RYR2: variants seen among roughly 807,000 people sequenced by gnomAD.
RYR2 encodes the protein cardiac muscle ryanodine receptor-calcium release channel.
RYR2 carries 227 observed loss-of-function variants against 601.1 expected under a neutral mutation model. The observed-to-expected ratio is 0.38, with a 90% CI of 0.34 to 0.42. The LOEUF is 0.42. Among genes scored for constraint, RYR2 ranks in the 10% least tolerant of loss-of-function variants. RYR2 has a pLI of 1.00. For missense variants in RYR2, 4,646 were observed against 6,156.5 expected (o/e 0.75, Z 8.21); for synonymous variants, 2,223 against 2,175.1 (o/e 1.02, Z -0.61).
chr1:237,042,660 G>A, intron 1 of RYR2, 91 bp downstream of exon 1: 2 of 1,199,734 alleles, frequency 1.7e-6, no homozygotes, highest in Non-Finnish European at 2.1e-6. Flanking sequence ...CGGGCAGCGG[G>A]GACTCGCGGG....
chr1:237,573,613 C>T (rs780337708), intron 29 of RYR2, among the ~76,000 whole-genome samples: 8 of 149,972 alleles, frequency 5.3e-5, no homozygotes, highest in Non-Finnish European at 8.9e-5. Context: ...GAGATCAAGA[C>T]CATCCTGGCT....
chr1:237,546,067 T>G (rs1184609487), intron 25 of RYR2, among the ~76,000 whole-genome samples: 3 of 151,742 alleles, frequency 2.0e-5, no homozygotes, highest in Non-Finnish European at 4.4e-5. Flanking sequence ...GTGATTACAG[T>G]TTATAGATTT....
rs570700000 is a variant in RYR2, at chr1:237,613,741, G to A, written c.4911-298G>A. Among the ~76,000 whole-genome samples, 9 of 152,214 alleles carry A rather than the reference G, an allele frequency of 5.9e-5. No homozygotes were observed. In the South Asian group the frequency reaches 1.7e-3, roughly 28 times the overall value. ...CTGAAATTCGAAATGCTCCAAAATC[G>A]GAAACATTTTGAGCACCAACATAAT... On this transcript the variant is annotated intron_variant, in intron 36 of 104. Coordinates refer to ENST00000366574, the MANE Select transcript of RYR2 (RefSeq NM_001035.3).
At chr1:237,228,791 C>T (rs550829555) in intron 1 of RYR2, among the ~76,000 whole-genome samples, 1 of 152,190 alleles carries the variant, frequency 6.6e-6, no homozygotes, top group South Asian at 2.1e-4. Flanking sequence ...TAAGAACCTG[C>T]ACTGTTCAAA....
intron 1 of RYR2, among the ~76,000 whole-genome samples, chr1:237,088,893 T>C (rs944993315): frequency 1.3e-5 from 2 of 152,348 alleles, no homozygotes; most frequent in African/African-American, 4.8e-5. Flanking sequence ...TTATTTAATT[T>C]CAGTTGTTTC....
In RYR2 at chr1:237,042,207, G is replaced by C. The variant is rs565743769; in HGVS notation, c.-315G>C. The C allele has an allele frequency of 6.5e-6, 1 of 153,548 alleles. No homozygotes were observed. The highest frequency in any genetic ancestry group is 2.2e-4 in the South Asian group (1 of 4,628). The allele number at this position is 153,548 out of a possible 1,614,324, so 9.5% of individuals were successfully genotyped here. ...GCACTTGCTCGGAGGAGCCGGGGCCGAGCGGACCGCCGGCTGCAGGCAGCG... is the reference window on the plus strand; with the variant it reads ...GCACTTGCTCGGAGGAGCCGGGGCCCAGCGGACCGCCGGCTGCAGGCAGCG... On this transcript the variant is annotated 5_prime_UTR_variant, in exon 1 of 105. Transcript: ENST00000366574.
chr1:237,312,274 G>A (rs188418173), intron 2 of RYR2, among the ~76,000 whole-genome samples: 232 of 152,258 alleles, frequency 1.5e-3, no homozygotes, highest in African/African-American at 5.2e-3. Context: ...AGCTCCTTCC[G>A]TGGAATTCAT....
chr1:237,521,866 G>C (rs1252409502), intron 24 of RYR2, among the ~76,000 whole-genome samples: 1 of 152,044 alleles, frequency 6.6e-6, no homozygotes, highest in East Asian at 1.9e-4. Flanking sequence ...TATAAGTGAG[G>C]CTGCCCTTGT....
intron 38 of RYR2, among the ~76,000 whole-genome samples, chr1:237,620,056 A>C (rs915696914): frequency 3.9e-5 from 6 of 152,218 alleles, no homozygotes; most frequent in African/African-American, 1.4e-4. Context: ...TGGTGAATGC[A>C]GTGCATTTTT....
intron 62 of RYR2, 70 bp from the exon 63 acceptor site, chr1:237,687,385 A>ATTTTCCCCTTTT: frequency 4.8e-6 from 1 of 209,454 alleles, no homozygotes; most frequent in South Asian, 1.1e-4. Context: ...TTTTTTTTTT[A>ATTTTCCCCTTTT]ATTTCCCCCT....
chr1:237,436,454 CTTTTTTTTTTT>C lies in RYR2; in HGVS notation c.1006-4851_1006-4841del, dbSNP rs551140501. On this transcript the variant is annotated intron_variant, in intron 12 of 104. Coordinates refer to ENST00000366574, the MANE Select transcript of RYR2 (RefSeq NM_001035.3). ...AGCCGAGGGATAATGTGTGATTTTC[CTTTTTTTTTTT>C]TTTTTTTTTTTTTGCATTTCTGTCC... Among the ~76,000 whole-genome samples the C allele has an allele frequency of 2.1e-4, 10 of 48,728 alleles. 1 individual carries two copies. The South Asian group carries it at 7.5e-3, about 37-fold the overall frequency. The allele number at this position is 48,728 out of a possible 152,430, so 32.0% of individuals were successfully genotyped here. A position where few individuals can be genotyped will look rare whatever the true frequency, so the allele number is the denominator to read the frequency against.
intron 75 of RYR2, 45 bp downstream of exon 75, chr1:237,726,353 G>A: frequency 7.8e-7 from 1 of 1,281,334 alleles, no homozygotes; most frequent in African/African-American, 1.5e-5. Flanking sequence ...ATTAATTTAG[G>A]TTTATATGTT....
rs897493257 is a variant in RYR2, at chr1:237,343,530, AT to A, written c.274-12425del. ...GTAGTGTATAAACACTCAATAAGTG[AT>A]TTTTTTTTTCAGATGAAGAAATAGA... On this transcript the variant is annotated intron_variant, in intron 3 of 104. Coordinates refer to ENST00000366574, the MANE Select transcript of RYR2 (RefSeq NM_001035.3). Among the ~76,000 whole-genome samples the A allele has an allele frequency of 2.7e-3, 404 of 150,462 alleles. 2 individuals carry two copies. The highest frequency in any genetic ancestry group is 8.2e-3 in the African/African-American group (335 of 41,032).
intron 1 of RYR2, among the ~76,000 whole-genome samples, chr1:237,138,298 G>A (rs1271033395): frequency 1.3e-5 from 2 of 152,168 alleles, no homozygotes; most frequent in African/African-American, 2.4e-5. Flanking sequence ...CTCCCAAAGT[G>A]CTGGAATTAC....
At chr1:237,158,095 A>T (rs962625314) in intron 1 of RYR2, among the ~76,000 whole-genome samples, 2 of 152,238 alleles carry the variant, frequency 1.3e-5, no homozygotes, top group African/African-American at 4.8e-5. Flanking sequence ...TGGAAATAAA[A>T]GTACCTTCCT....
chr1:237,355,923 A>T (rs1396160493), intron 3 of RYR2, 42 bp from the exon 4 acceptor site: 2 of 1,547,968 alleles, frequency 1.3e-6, no homozygotes, highest in African/African-American at 2.7e-5. Context: ...ATTGCTAGGT[A>T]TTTGTTTGTT....
At chr1:237,638,093 TAGAG>T (rs925964162) in intron 44 of RYR2, among the ~76,000 whole-genome samples, 14 of 119,690 alleles carry the variant, frequency 1.2e-4, no homozygotes, top group Non-Finnish European at 1.8e-4. Flanking sequence ...AATGTCTGCT[TAGAG>T]AGAGCTGAAA....
chr1:237,045,944 T>C (rs182315308), intron 1 of RYR2, among the ~76,000 whole-genome samples: 276 of 148,898 alleles, frequency 1.9e-3, no homozygotes, highest in Middle Eastern at 6.8e-3. Context: ...GAGTTACCCT[T>C]GTGGTGTACT....
At chr1:237,703,429 G>T (rs982599084) in intron 66 of RYR2, among the ~76,000 whole-genome samples, 3 of 150,676 alleles carry the variant, frequency 2.0e-5, no homozygotes, top group Non-Finnish European at 3.0e-5. Flanking sequence ...TTTATGAATT[G>T]CCTTTTCTCA....
Sources: gnomAD v4.1 joint callset for allele counts (sites outside exome capture counted in the v4.1 genomes callset) on GRCh38, gnomAD v4.1.1 for gene constraint, MANE v1.5 for transcripts, NCBI Gene and HGNC (gene_info 2026-07-23, HGNC 2026-07-21) for gene names.